APOC2: variants seen among roughly 807,000 people sequenced by gnomAD.
APOC2 encodes the protein apolipoprotein C-II.
In APOC2, 6 loss-of-function variants were observed where a neutral mutation model predicts 10.2. The observed-to-expected ratio is 0.59, with a 90% confidence interval of 0.32 to 1.16. The LOEUF is 1.16. Ranked by LOEUF, APOC2 falls within the 50% of genes most tolerant of loss-of-function variation. The pLI is 0.05. For synonymous variants in APOC2, 56 were observed against 48.5 expected, an observed-to-expected ratio of 1.15 and a Z score of -0.64; for missense variants, 110 against 117.6, an observed-to-expected ratio of 0.94 and a Z score of 0.30.
chr19:44,949,452 GC>G lies in APOC2; in HGVS notation c.*204del, dbSNP rs1452412987. ...AGGACTCAAGGGCCAAGATGGAGGG[GC>G]TGACTCAGTCCAGCCAACATTTAAT... On this transcript the variant is annotated 3_prime_UTR_variant, in exon 4 of 4. Transcript: ENST00000252490. 6.6e-6 allele frequency: 4 copies of G among 609,304 alleles called. No individual in the cohort carries two copies. Among genetic ancestry groups the G allele is most frequent in the Non-Finnish European group, 1.2e-5 (4 of 337,740 alleles). 37.7% of individuals were successfully genotyped at this position (609,304 alleles called of 1,614,324 possible). A position where few individuals can be genotyped will look rare whatever the true frequency, so the allele number is the denominator to read the frequency against.
chr19:44,946,234 T>TGTGTGAGAGAGA (rs1236986911), intron 1 of APOC2, among the ~76,000 whole-genome samples, 159 bp downstream of exon 1: 3 of 132,836 alleles, frequency 2.3e-5, no homozygotes, highest in African/African-American at 8.9e-5. Flanking sequence ...TGTGTGTGTG[T>TGTGTGAGAGAGA]GAGAGAGAGA....
intron 2 of APOC2, 45 bp from the exon 3 acceptor site, chr19:44,948,656 C>T (rs1486881424): frequency 1.2e-6 from 2 of 1,612,378 alleles, no homozygotes; most frequent in Non-Finnish European, 1.7e-6. Context: ...TCCTTTCCCC[C>T]TGCTGCAGCC....
Position 44,949,454 on chromosome 19 carries a change from T to G in APOC2, c.*205T>G, listed in dbSNP as rs186152230. 1 of 608,746 alleles carries G rather than the reference T, an allele frequency of 1.6e-6. No homozygotes were observed. The allele number at this position is 608,746 out of a possible 1,614,324, so 37.7% of individuals were successfully genotyped here. On this transcript the variant is annotated 3_prime_UTR_variant, in exon 4 of 4. Coordinates refer to ENST00000252490, the MANE Select transcript of APOC2 (RefSeq NM_000483.5). ...GACTCAAGGGCCAAGATGGAGGGGCTGACTCAGTCCAGCCAACATTTAATG... is the reference window on the plus strand; with the variant it reads ...GACTCAAGGGCCAAGATGGAGGGGCGGACTCAGTCCAGCCAACATTTAATG...
Position 44,949,282 on chromosome 19 carries a change from A to T in APOC2, c.*33A>T. ...ACCCCCCATCAGTGGACAAGGGGAG[A>T]GTCCCCTACTCCCCTGATCCCCCAG... On this transcript the variant is annotated 3_prime_UTR_variant, in exon 4 of 4. Transcript: ENST00000252490. The T allele has an allele frequency of 6.4e-7, 1 of 1,552,788 alleles. No homozygotes were observed. Among genetic ancestry groups the T allele is most frequent in the Non-Finnish European group, 8.9e-7 (1 of 1,127,846 alleles).
chr19:44,949,263 C>T lies in APOC2; in HGVS notation c.*14C>T, dbSNP rs138974647. The T allele has an allele frequency of 4.7e-5, 76 of 1,609,578 alleles. No individual in the cohort carries two copies. Among genetic ancestry groups the T allele is most frequent in the Non-Finnish European group, 6.2e-5 (73 of 1,177,232 alleles). ...GGAGAGGAGTAACAGCCAGACCCCC[C>T]ATCAGTGGACAAGGGGAGAGTCCCC... On this transcript the variant is annotated 3_prime_UTR_variant, in exon 4 of 4. Transcript: ENST00000252490.
rs765634049 is a variant in APOC2 at position 44,948,681 on chromosome 19, G to GACAC, written c.56-17_56-14dup. ...CTGCTGCAGCCCCACGGGCTCTCCTGACACACTCTCCCCCTGCAGAGGTCC... is the reference window on the plus strand; with the variant it reads ...CTGCTGCAGCCCCACGGGCTCTCCTGACACACACACTCTCCCCCTGCAGAGGTCC... On this transcript the variant is annotated intron_variant, in intron 2 of 3. Coordinates refer to ENST00000252490, the MANE Select transcript of APOC2 (RefSeq NM_000483.5). The GACAC allele has an allele frequency of 5.0e-6, 8 of 1,613,824 alleles. No homozygotes were observed. The African/African-American group carries it at 9.3e-5, about 19-fold the overall frequency.
intron 3 of APOC2, 99 bp from the exon 4 acceptor site, chr19:44,949,060 C>T: frequency 9.1e-6 from 11 of 1,203,998 alleles, no homozygotes; most frequent in Non-Finnish European, 1.3e-5. Context: ...CCTCCTCCCT[C>T]AGACCCAGGA....
chr19:44,949,301 C>A lies in APOC2; in HGVS notation c.*52C>A. The A allele has an allele frequency of 6.8e-7, 1 of 1,467,390 alleles. No homozygotes were observed. Among genetic ancestry groups the A allele is most frequent in the Non-Finnish European group, 9.5e-7 (1 of 1,056,200 alleles). 90.9% of individuals were successfully genotyped at this position (1,467,390 alleles called of 1,614,324 possible). A position where few individuals can be genotyped will look rare whatever the true frequency, so the allele number is the denominator to read the frequency against. The stretch of plus-strand genomic sequence containing the variant: ...GGGGAGAGTCCCCTACTCCCCTGAT[C>A]CCCCAGGTTCAGACTGAGCTCCCCC... On this transcript the variant is annotated 3_prime_UTR_variant, in exon 4 of 4. Transcript: ENST00000252490.
At position 44,949,156 on chromosome 19, in the gene APOC2, C is replaced by T; in HGVS notation, c.216-3C>T. On this transcript the variant is annotated splice_polypyrimidine_tract_variant and splice_region_variant and intron_variant, in intron 3 of 3. Transcript: ENST00000252490. The stretch of plus-strand genomic sequence containing the variant: ...CCTCTAACCATCTGTGCTTTCTCCC[C>T]AGGGACTTGTACAGCAAAAGCACAG... 1.2e-6 allele frequency: 2 copies of T among 1,613,612 alleles called. No individual in the cohort carries two copies. Among genetic ancestry groups the T allele is most frequent in the Non-Finnish European group, 1.7e-6 (2 of 1,179,746 alleles).
At position 44,948,690 on chromosome 19, in the gene APOC2, T is replaced by C. The variant is rs778728968; in HGVS notation, c.56-11T>C. The C allele has an allele frequency of 6.6e-5, 106 of 1,613,260 alleles. No individual in the cohort carries two copies. In the Middle Eastern group the frequency reaches 6.6e-4, roughly 10 times the overall value. On this transcript the variant is annotated splice_polypyrimidine_tract_variant and intron_variant, in intron 2 of 3. Coordinates refer to ENST00000252490, the MANE Select transcript of APOC2 (RefSeq NM_000483.5). ...CCCCACGGGCTCTCCTGACACACTC[T>C]CCCCCTGCAGAGGTCCAGGGGACCC...
chr19:44,948,585 A>G (rs1229064031), intron 2 of APOC2, 52 bp downstream of exon 2: 11 of 1,606,040 alleles, frequency 6.8e-6, no homozygotes, highest in East Asian at 2.2e-5. Context: ...ATGAGCTCCA[A>G]GCATCTTCCC....
chr19:44,949,028 C>A (rs1321464237), intron 3 of APOC2, 131 bp from the exon 4 acceptor site: 2 of 1,042,406 alleles, frequency 1.9e-6, no homozygotes, highest in Middle Eastern at 5.9e-4. Context: ...TCCCTCAGAC[C>A]CAGGAGTCCA....
intron 1 of APOC2, among the ~76,000 whole-genome samples, chr19:44,946,981 G>A (rs897436945): frequency 2.6e-5 from 4 of 151,684 alleles, no homozygotes; most frequent in South Asian, 2.1e-4. Flanking sequence ...GTGAAACCCC[G>A]TCTCTACTAA....
intron 3 of APOC2, 120 bp from the exon 4 acceptor site, chr19:44,949,039 G>A: frequency 9.9e-7 from 1 of 1,012,776 alleles, no homozygotes; most frequent in Non-Finnish European, 1.4e-6. Flanking sequence ...CAGGAGTCCA[G>A]GCCCCCAGCC....
At chr19:44,946,927 G>A (rs1266464470) in intron 1 of APOC2, among the ~76,000 whole-genome samples, 2 of 152,138 alleles carry the variant, frequency 1.3e-5, no homozygotes, top group Admixed American at 6.5e-5. Flanking sequence ...CAAGGCAAAC[G>A]GATCACTTGA....
rs1970351129 is a variant in APOC2, at chr19:44,948,795, A to G, written c.150A>G (p.Ser50=). 2 of 1,614,056 alleles carry G rather than the reference A, an allele frequency of 1.2e-6. No homozygotes were observed. The highest frequency in any genetic ancestry group is 1.3e-5 in the African/African-American group (1 of 74,936). The part of the protein sequence containing the change: ...VKESLSSYWE[S]AKTAAQNLYE... Reference sequence around the variant, plus strand: ...AATCTCTCTCCAGTTACTGGGAGTCAGCAAAGACAGCCGCCCAGAACCTGT... The same window carrying G: ...AATCTCTCTCCAGTTACTGGGAGTCGGCAAAGACAGCCGCCCAGAACCTGT... Residue 50 remains serine (S), a synonymous_variant, in exon 3 of 4, where the codon TCA becomes TCG. Transcript: ENST00000252490.
chr19:44,946,230 TGTGTGAGAGA>T (rs1364002450), intron 1 of APOC2, among the ~76,000 whole-genome samples, 155 bp downstream of exon 1: 1 of 132,280 alleles, frequency 7.6e-6, no homozygotes, highest in Non-Finnish European at 1.6e-5. Context: ...TGTGTGTGTG[TGTGTGAGAGA>T]GAGAGAGAGG....
chr19:44,948,376 G>T (rs1254152696), intron 1 of APOC2, 90 bp from the exon 2 acceptor site: 7 of 1,099,892 alleles, frequency 6.4e-6, no homozygotes, highest in Non-Finnish European at 9.8e-6. Flanking sequence ...CACAGAGCAG[G>T]ATCTCAGTCC....
rs1970359493 is a variant in APOC2, at chr19:44,949,304, C to T, written c.*55C>T. The T allele has an allele frequency of 6.9e-7, 1 of 1,449,060 alleles. No homozygotes were observed. Among genetic ancestry groups the T allele is most frequent in the African/African-American group, 1.4e-5 (1 of 71,752 alleles). 89.8% of individuals were successfully genotyped at this position (1,449,060 alleles called of 1,614,324 possible). The stretch of plus-strand genomic sequence containing the variant: ...GAGAGTCCCCTACTCCCCTGATCCC[C>T]CAGGTTCAGACTGAGCTCCCCCTTC... On this transcript the variant is annotated 3_prime_UTR_variant, in exon 4 of 4. Transcript: ENST00000252490.
Sources: allele counts gnomAD v4.1 joint callset (sites outside exome capture counted in the v4.1 genomes callset), GRCh38; gene constraint gnomAD v4.1.1; transcripts MANE v1.5; gene names NCBI Gene and HGNC (gene_info 2026-07-23, HGNC 2026-07-21).